Variants in PTPN4 observed in about 807,000 individuals in gnomAD.
PTPN4 encodes protein tyrosine phosphatase non-receptor type 4, also known as tyrosine-protein phosphatase non-receptor type 4.
A neutral mutation model predicts 135.5 loss-of-function variants in PTPN4; 49 were observed. The observed-to-expected ratio is 0.36, with a 90% CI of 0.29 to 0.46. PTPN4 has a LOEUF of 0.46. Ranked by LOEUF, PTPN4 falls within the 20% of genes least tolerant of loss-of-function variation. The pLI is 1.00. For synonymous variants in PTPN4, 333 were observed against 369.9 expected, an observed-to-expected ratio of 0.90 and a Z score of 1.14; for missense variants, 860 against 1,101.0, an observed-to-expected ratio of 0.78 and a Z score of 3.10.
At chr2:119,782,714 C>CTT (rs377756070) in intron 1 of PTPN4, among the ~76,000 whole-genome samples, 5 of 120,178 alleles carry the variant, frequency 4.2e-5, no homozygotes, top group Admixed American at 8.8e-5. Flanking sequence ...CCCCACCCCC[C>CTT]TTTTTTTTTT....
In PTPN4 at chr2:119,981,695, A is replaced by G; in HGVS notation, c.*4625A>G. On this transcript the variant is annotated 3_prime_UTR_variant, in exon 27 of 27. Transcript: ENST00000263708. ...TCAACTTACCGTGTCTGCAACCATTATATAGACTTCATTGATACTCAGCAA... is the reference window on the plus strand; with the variant it reads ...TCAACTTACCGTGTCTGCAACCATTGTATAGACTTCATTGATACTCAGCAA... 1 of 152,118 alleles carries G rather than the reference A, an allele frequency of 6.6e-6. No homozygotes were observed. Among genetic ancestry groups the G allele is most frequent in the East Asian group, 1.9e-4 (1 of 5,206 alleles). The allele number at this position is 152,118 out of a possible 1,614,324, so 9.4% of individuals were successfully genotyped here.
intron 11 of PTPN4, among the ~76,000 whole-genome samples, chr2:119,917,326 G>A (rs1165519984): frequency 6.6e-6 from 1 of 152,172 alleles, no homozygotes; most frequent in Non-Finnish European, 1.5e-5. Context: ...GGATCCTTTT[G>A]TGGTTCATAA....
intron 1 of PTPN4, among the ~76,000 whole-genome samples, chr2:119,766,468 G>T (rs1558718952): frequency 1.4e-5 from 2 of 142,702 alleles, no homozygotes; most frequent in African/African-American, 2.8e-5. Flanking sequence ...GTGTGTGTGT[G>T]TGTGTGTGTG....
intron 1 of PTPN4, among the ~76,000 whole-genome samples, chr2:119,785,676 A>G (rs1558724954): frequency 6.6e-6 from 1 of 152,146 alleles, no homozygotes; most frequent in African/African-American, 2.4e-5. Context: ...CATATAATGA[A>G]CACTTACATA....
intron 10 of PTPN4, among the ~76,000 whole-genome samples, chr2:119,910,785 A>G (rs534209749): frequency 2.0e-5 from 3 of 152,144 alleles, no homozygotes; most frequent in Admixed American, 2.0e-4. Flanking sequence ...TTCTGCTGTG[A>G]CTGTAAATTT....
intron 3 of PTPN4, among the ~76,000 whole-genome samples, chr2:119,872,685 T>C (rs1677930404): frequency 6.6e-6 from 1 of 152,172 alleles, no homozygotes; most frequent in Admixed American, 6.5e-5. Context: ...TGATACTTTC[T>C]TGAGGTGATA....
At position 119,869,428 on chromosome 2, in the gene PTPN4, T is replaced by C. The variant is rs184277776; in HGVS notation, c.246+6785T>C. On this transcript the variant is annotated intron_variant, in intron 3 of 26. Transcript: ENST00000263708. ...AATTTGGGAGCAGTATCTCTACTTA[T>C]TTCTTAAAGGTTCAAACTCCTCTTT... Among the ~76,000 whole-genome samples, 845 of 152,344 alleles carry C rather than the reference T, an allele frequency of 5.5e-3. 5 individuals carry two copies. Among genetic ancestry groups the C allele is most frequent in the Non-Finnish European group, 7.3e-3 (500 of 68,036 alleles).
intron 15 of PTPN4, among the ~76,000 whole-genome samples, chr2:119,936,276 C>G (rs919788171): frequency 6.6e-6 from 1 of 152,084 alleles, no homozygotes; most frequent in Non-Finnish European, 1.5e-5. Flanking sequence ...TGCTGGGATT[C>G]CAGGCGTGAG....
chr2:119,855,508 T>C (rs1012380379), intron 2 of PTPN4, among the ~76,000 whole-genome samples: 4 of 152,240 alleles, frequency 2.6e-5, no homozygotes, highest in African/African-American at 9.6e-5. Flanking sequence ...TTCCCTTCTT[T>C]ACATATAATA....
intron 2 of PTPN4, among the ~76,000 whole-genome samples, chr2:119,857,495 C>T (rs1237523897): frequency 6.6e-6 from 1 of 151,270 alleles, no homozygotes; most frequent in Non-Finnish European, 1.5e-5. Context: ...GATCACACCA[C>T]TGCACTCCAG....
rs753900476 is a variant in PTPN4, at chr2:119,955,296, C to T, written c.1953C>T (p.Ile651=). Residue 651 remains isoleucine, a synonymous_variant, in exon 20 of 27, where the codon ATC becomes ATT. Coordinates refer to ENST00000263708, the MANE Select transcript of PTPN4 (RefSeq NM_002830.4). ...TGATCCAGCTAGCTGAGGGGCTTAT[C>T]ACTGGAACAGTCCTGACACAGTTTG... is the stretch of plus-strand genomic sequence containing the variant. ...ESMIQLAEGL[I]TGTVLTQFDQ... 80 of 1,610,362 alleles carry T rather than the reference C, an allele frequency of 5.0e-5. No individual in the cohort carries two copies. The highest frequency in any genetic ancestry group is 2.2e-5 in the East Asian group (1 of 44,870).
intron 2 of PTPN4, among the ~76,000 whole-genome samples, chr2:119,841,586 A>T (rs778903555): frequency 2.0e-5 from 3 of 152,158 alleles, no homozygotes; most frequent in Non-Finnish European, 4.4e-5. Context: ...CTGTAGTACT[A>T]ATAGTATAGT....
At chr2:119,890,525 A>G (rs542837119) in intron 9 of PTPN4, among the ~76,000 whole-genome samples, 16 of 152,182 alleles carry the variant, frequency 1.1e-4, no homozygotes, top group African/African-American at 3.9e-4. Context: ...AGTTATTGGT[A>G]TGTGAGGTTT....
At chr2:119,820,199 A>G (rs1411904674) in intron 2 of PTPN4, among the ~76,000 whole-genome samples, 1 of 152,080 alleles carries the variant, frequency 6.6e-6, no homozygotes, top group Non-Finnish European at 1.5e-5. Context: ...GACTTATTTC[A>G]TATTCTTGAA....
intron 12 of PTPN4, among the ~76,000 whole-genome samples, chr2:119,921,047 G>T (rs767567080): frequency 6.6e-6 from 1 of 152,184 alleles, no homozygotes; most frequent in South Asian, 2.1e-4. Context: ...TTGGGAGGCC[G>T]AGGCAGGCGG....
At chr2:119,949,608 A>G (rs1679183075) in intron 18 of PTPN4, among the ~76,000 whole-genome samples, 1 of 152,180 alleles carries the variant, frequency 6.6e-6, no homozygotes, top group African/African-American at 2.4e-5. Context: ...TGGGAGGCTA[A>G]GATGGGAGGA....
At chr2:119,883,188 C>T (rs955570141) in intron 8 of PTPN4, among the ~76,000 whole-genome samples, 2 of 151,924 alleles carry the variant, frequency 1.3e-5, no homozygotes, top group African/African-American at 2.4e-5. Flanking sequence ...AGTCAACATT[C>T]GGTGAAAACT....
intron 1 of PTPN4, among the ~76,000 whole-genome samples, chr2:119,774,010 T>G (rs74664171): frequency 0.023 from 3,536 of 152,312 alleles, 128 homozygotes; most frequent in African/African-American, 0.077. Flanking sequence ...CCACCTCTAT[T>G]TCTAGTGAGT....
At chr2:119,975,686 T>C (rs1323364065) in intron 26 of PTPN4, among the ~76,000 whole-genome samples, 1 of 152,132 alleles carries the variant, frequency 6.6e-6, no homozygotes, top group Admixed American at 6.5e-5. Context: ...GATTGCGCCA[T>C]TGAACTCTAG....
Sources: allele counts gnomAD v4.1 joint callset (sites outside exome capture counted in the v4.1 genomes callset), GRCh38; gene constraint gnomAD v4.1.1; transcripts MANE v1.5; gene names NCBI Gene and HGNC (gene_info 2026-07-23, HGNC 2026-07-21).